The following MVP variants were observed in gnomAD, a reference collection of about 807,000 sequenced individuals.
MVP encodes lung resistance-related protein.
Under a neutral mutation model 83.5 loss-of-function variants are expected in MVP, and 62 were observed. The ratio of observed to expected loss-of-function variants is 0.74; its 90% CI spans 0.61 to 0.92. The LOEUF (loss-of-function observed/expected upper bound fraction) is 0.92, where lower values mean the gene tolerates loss of function less well. MVP is among the 40% of genes least tolerant of loss of function. MVP has a pLI of 0.00. For synonymous variants in MVP, 505 were observed against 504.1 expected (o/e 1.00, Z -0.02); for missense variants, 1,000 against 1,203.4 (o/e 0.83, Z 2.50).
At chr16:29,842,635 G>A (rs1035448305) in intron 10 of MVP, among the ~76,000 whole-genome samples, 8 of 152,154 alleles carry the variant, frequency 5.3e-5, no homozygotes, top group South Asian at 4.1e-4. Context: ...AAAACAAACC[G>A]GGTGGCAAGC....
intron 3 of MVP, among the ~76,000 whole-genome samples, chr16:29,833,065 A>C (rs2067456867): frequency 7.2e-6 from 1 of 139,364 alleles, no homozygotes; most frequent in East Asian, 2.0e-4. Context: ...ACTCTGTCTC[A>C]AAAAAAAAAA....
intron 10 of MVP, among the ~76,000 whole-genome samples, chr16:29,842,801 C>T (rs971194953): frequency 2.6e-5 from 4 of 152,318 alleles, no homozygotes; most frequent in East Asian, 1.9e-4. Context: ...CCAGGGAAGG[C>T]GTGGGCTCAC....
intron 3 of MVP, among the ~76,000 whole-genome samples, chr16:29,831,964 T>C (rs958967664): frequency 1.3e-5 from 2 of 152,224 alleles, no homozygotes; most frequent in Non-Finnish European, 2.9e-5. Context: ...TTGTTTTTAA[T>C]AGAGACGGGG....
At chr16:29,829,127 G>T (rs2150751825) in intron 1 of MVP, among the ~76,000 whole-genome samples, 1 of 149,856 alleles carries the variant, frequency 6.7e-6, no homozygotes, top group African/African-American at 2.5e-5. Context: ...ATAATGCTGG[G>T]ATTACAGGCA....
At position 29,830,864 on chromosome 16, in the gene MVP, T is replaced by G; in HGVS notation, c.126-14T>G. 2 of 1,605,588 alleles carry G rather than the reference T, an allele frequency of 1.2e-6. No homozygotes were observed. The highest frequency in any genetic ancestry group is 2.2e-5 in the South Asian group (2 of 90,696). ...TGGTCCCAGGTCCTCACACCTCTTC[T>G]CATCTTCCTGCAGGGTACTGTTTGC... On this transcript the variant is annotated splice_polypyrimidine_tract_variant and intron_variant, in intron 2 of 14. Transcript: ENST00000357402.
intron 8 of MVP, among the ~76,000 whole-genome samples, chr16:29,840,705 G>A (rs937212266): frequency 2.6e-5 from 4 of 152,260 alleles, no homozygotes; most frequent in African/African-American, 4.8e-5. Context: ...ACTTTGGGAG[G>A]CCGAGGCGGG....
intron 6 of MVP, 142 bp downstream of exon 6, chr16:29,835,940 C>T (rs185021077): frequency 2.2e-5 from 15 of 694,368 alleles, no homozygotes; most frequent in Non-Finnish European, 3.0e-5. Flanking sequence ...GATCAGATTG[C>T]CTGAGTATTC....
rs2067531630 is a variant in MVP at position 29,841,190 on chromosome 16, G to C, written c.1192-406G>C. Among the ~76,000 whole-genome samples the C allele has an allele frequency of 6.6e-6, 1 of 152,082 alleles. No homozygotes were observed. Among genetic ancestry groups the C allele is most frequent in the African/African-American group, 2.4e-5 (1 of 41,390 alleles). On this transcript the variant is annotated intron_variant, in intron 8 of 14. Transcript: ENST00000357402. The surrounding 1 kb of genome is among the most constrained non-coding windows in gnomAD (Gnocchi z 4.7). ...GAATCCAAGCTGGAAGTCCAGCTTG[G>C]AATCCGAGGGAGCATCCGTGTACAC... is the stretch of plus-strand genomic sequence containing the variant.
At chr16:29,821,732 A>T (rs1212991329) in intron 1 of MVP, among the ~76,000 whole-genome samples, 1 of 152,170 alleles carries the variant, frequency 6.6e-6, no homozygotes, top group African/African-American at 2.4e-5. Context: ...AAATTTCTTA[A>T]CTTGCAGGTT....
intron 3 of MVP, chr16:29,833,449 G>A (rs528373200): frequency 1.5e-4 from 46 of 315,532 alleles, no homozygotes; most frequent in African/African-American, 2.6e-4. Flanking sequence ...GGTGTGCGCC[G>A]CCACCATGCC....
chr16:29,836,875 C>T lies in MVP; in HGVS notation c.826C>T (p.Leu276=), dbSNP rs1439166548. 6.2e-6 allele frequency: 10 copies of T among 1,614,072 alleles called. No homozygotes were observed. Among genetic ancestry groups the T allele is most frequent in the Non-Finnish European group, 8.5e-6 (10 of 1,180,000 alleles). ...GCTGGGGGTTGTGCCCATCACCACC[C>T]TGGGCCCCCACAACTACTGCGTGAT... ...EVLGVVPITT[L]GPHNYCVILD... is the part of the protein sequence containing the mutation. The change falls in exon 7 of 15, where the codon CTG becomes TTG. Residue 276 remains leucine (L), a synonymous_variant. Coordinates refer to ENST00000357402, the MANE Select transcript of MVP (RefSeq NM_005115.5).
At chr16:29,820,724 T>G (rs940256260) in intron 1 of MVP, among the ~76,000 whole-genome samples, 2 of 152,048 alleles carry the variant, frequency 1.3e-5, no homozygotes, top group Non-Finnish European at 2.9e-5. Flanking sequence ...GGTTTTGAAG[T>G]AAAGGCAGAT....
At chr16:29,835,641 G>C in intron 5 of MVP, 63 bp from the exon 6 acceptor site, 1 of 1,364,612 alleles carries the variant, frequency 7.3e-7, no homozygotes. Flanking sequence ...TAAGCTGTGG[G>C]GGAGGGGTAG....
intron 10 of MVP, 36 bp from the exon 11 acceptor site, chr16:29,844,457 A>G: frequency 6.6e-7 from 1 of 1,517,468 alleles, no homozygotes; most frequent in South Asian, 1.3e-5. Context: ...TCCTGGGTGA[A>G]AGCAGCTTCC....
chr16:29,846,465 G>T (rs1461695698), intron 13 of MVP, among the ~76,000 whole-genome samples, 181 bp downstream of exon 13: 1 of 152,256 alleles, frequency 6.6e-6, no homozygotes, highest in Non-Finnish European at 1.5e-5. Flanking sequence ...GGAAGGTAAG[G>T]ATTAGAACAC....
At chr16:29,825,552 C>T (rs2067399135) in intron 1 of MVP, among the ~76,000 whole-genome samples, 1 of 152,132 alleles carries the variant, frequency 6.6e-6, no homozygotes, top group Non-Finnish European at 1.5e-5. Context: ...AGGCAGAAGG[C>T]CCAGGTTTAG....
intron 11 of MVP, among the ~76,000 whole-genome samples, chr16:29,845,188 C>T (rs1322399386): frequency 1.4e-5 from 2 of 144,866 alleles, no homozygotes; most frequent in East Asian, 2.0e-4. Context: ...GAGACTGACC[C>T]TGTCTCAAAA....
rs36101620 is a variant in MVP, at chr16:29,829,073, CT to C, written c.-35-1424del. On this transcript the variant is annotated intron_variant, in intron 1 of 14. Transcript: ENST00000357402. Reference sequence around the variant, plus strand: ...AGATGGTGGAATTGATGAGGAACCACTTTTTTTTTTTTTTTTTTGAGATGGA... The same window carrying C: ...AGATGGTGGAATTGATGAGGAACCACTTTTTTTTTTTTTTTTTGAGATGGA... Among the ~76,000 whole-genome samples the C allele has an allele frequency of 4.6e-3, 587 of 128,316 alleles. 1 individual carries two copies. Among genetic ancestry groups the C allele is most frequent in the Non-Finnish European group, 6.2e-3 (380 of 61,166 alleles). 84.2% of individuals were successfully genotyped at this position (128,316 alleles called of 152,430 possible).
intron 5 of MVP, chr16:29,835,433 G>C (rs1234411818): frequency 4.3e-6 from 1 of 234,606 alleles, no homozygotes; most frequent in Non-Finnish European, 7.8e-6. Flanking sequence ...GGCTGAGGTT[G>C]CAGTGAGCTG....
Sources: gnomAD v4.1 joint callset for allele counts (sites outside exome capture counted in the v4.1 genomes callset) on GRCh38, gnomAD v4.1.1 for gene constraint, Gnocchi (gnomAD v3.1) non-coding constraint, MANE v1.5 for transcripts, NCBI Gene and HGNC (gene_info 2026-07-23, HGNC 2026-07-21) for gene names.